ABCD3: variants seen among roughly 807,000 people sequenced by gnomAD.
The protein encoded by ABCD3 is ATP-binding cassette sub-family D member 3.
ABCD3 carries 41 observed loss-of-function variants against 105.5 expected under a neutral mutation model. The observed-to-expected ratio is 0.39, with a 90% confidence interval of 0.30 to 0.50. ABCD3 has a LOEUF of 0.50. Ranked by LOEUF, ABCD3 falls within the 20% of genes least tolerant of loss-of-function variation. ABCD3 has a pLI of 0.84. For missense variants in ABCD3, 622 were observed against 806.3 expected (o/e 0.77, Z 2.77); for synonymous variants, 258 against 269.0 (o/e 0.96, Z 0.40).
intron 2 of ABCD3, among the ~76,000 whole-genome samples, chr1:94,461,355 A>G (rs1225174180): frequency 6.6e-6 from 1 of 152,068 alleles, no homozygotes; most frequent in East Asian, 1.9e-4. Flanking sequence ...AAAGAATTTA[A>G]TTAGAAAGTT....
Position 94,517,219 on chromosome 1 carries a change from A to T in ABCD3, c.*90A>T. 2.0e-6 allele frequency: 2 copies of T among 993,848 alleles called. No homozygotes were observed. The highest frequency in any genetic ancestry group is 1.6e-6 in the Non-Finnish European group (1 of 637,814). The allele number at this position is 993,848 out of a possible 1,614,324, so 61.6% of individuals were successfully genotyped here. Reference sequence around the variant, plus strand: ...TACATTGTAAAATAAAGTTGAGCTTAGTTTTTTTTAAAAAAAAAAACAAAG... The same window carrying T: ...TACATTGTAAAATAAAGTTGAGCTTTGTTTTTTTTAAAAAAAAAAACAAAG... On this transcript the variant is annotated 3_prime_UTR_variant, in exon 23 of 23. Transcript: ENST00000370214.
intron 8 of ABCD3, 75 bp from the exon 9 acceptor site, chr1:94,480,389 G>A (rs1648976431): frequency 6.4e-7 from 1 of 1,566,122 alleles, no homozygotes; most frequent in Middle Eastern, 1.7e-4. Flanking sequence ...TATAAAAATT[G>A]TACATGTTTG....
At chr1:94,426,586 A>AG (rs747281501) in intron 1 of ABCD3, among the ~76,000 whole-genome samples, 3 of 149,966 alleles carry the variant, frequency 2.0e-5, no homozygotes, top group Non-Finnish European at 4.4e-5. Flanking sequence ...TCTGTCACCC[A>AG]GGCTGGAGTG....
chr1:94,480,354 A>G (rs1648975278), intron 8 of ABCD3, 110 bp from the exon 9 acceptor site: 36 of 1,412,872 alleles, frequency 2.5e-5, no homozygotes, highest in South Asian at 2.4e-4. Flanking sequence ...CAGTAGGGCA[A>G]TTTCTTTCAG....
At chr1:94,386,859 G>A in the ABCD3 span, among the ~76,000 whole-genome samples, 13,124 of 151,798 alleles carry the variant, frequency 0.086, 584 homozygotes, top group South Asian at 0.13. Flanking sequence ...CATCTCAAAA[G>A]AAAAAATAAT....
chr1:94,515,115 C>A, intron 21 of ABCD3, 31 bp from the exon 22 acceptor site: 1 of 1,558,358 alleles, frequency 6.4e-7, no homozygotes, highest in Middle Eastern at 1.7e-4. Context: ...CTCTGTTACT[C>A]ATTAAACCTA....
At chr1:94,460,676 G>A (rs144418463) in intron 2 of ABCD3, among the ~76,000 whole-genome samples, 4 of 152,236 alleles carry the variant, frequency 2.6e-5, no homozygotes, top group Non-Finnish European at 4.4e-5. Context: ...CTAGTGATTA[G>A]TGTCTCTCAA....
At position 94,480,620 on chromosome 1, in the gene ABCD3, C is replaced by G; in HGVS notation, c.827+14C>G. The G allele has an allele frequency of 6.2e-7, 1 of 1,613,136 alleles. No individual in the cohort carries two copies. Among genetic ancestry groups the G allele is most frequent in the Non-Finnish European group, 8.5e-7 (1 of 1,179,396 alleles). On this transcript the variant is annotated intron_variant, in intron 9 of 22. Coordinates refer to ENST00000370214, the MANE Select transcript of ABCD3 (RefSeq NM_002858.4). ...CATCACAAACAGGTAAAGACAAATG[C>G]ATTAAAGCCTTGCTAAAAATTAATT...
At chr1:94,484,401 TGA>T (rs1649179912) in intron 10 of ABCD3, among the ~76,000 whole-genome samples, 1 of 152,200 alleles carries the variant, frequency 6.6e-6, no homozygotes, top group South Asian at 2.1e-4. Flanking sequence ...TGTCCATCAG[TGA>T]TAGACTGGAC....
intron 16 of ABCD3, among the ~76,000 whole-genome samples, chr1:94,491,699 ACTC>A (rs1315728262): frequency 7.2e-5 from 11 of 152,064 alleles, no homozygotes; most frequent in Non-Finnish European, 7.4e-5. Context: ...ACAAATAGAC[ACTC>A]ACCTAAAACA....
At chr1:94,409,278 C>T in the ABCD3 span, among the ~76,000 whole-genome samples, 1 of 152,120 alleles carries the variant, frequency 6.6e-6, no homozygotes, top group South Asian at 2.1e-4. Context: ...ACCACATTTA[C>T]CCTGAAGTGA....
chr1:94,478,420 A>G, intron 8 of ABCD3, 105 bp downstream of exon 8: 1 of 1,156,822 alleles, frequency 8.6e-7, no homozygotes, highest in South Asian at 1.3e-5. Flanking sequence ...GATCTCAAAG[A>G]ATGTATTTTC....
chr1:94,395,059 A>C, the ABCD3 span, among the ~76,000 whole-genome samples: 14 of 152,144 alleles, frequency 9.2e-5, no homozygotes, highest in Non-Finnish European at 1.8e-4. Context: ...AGGCCATGCA[A>C]TCTTTGTGCT....
At chr1:94,451,482 T>C (rs1208218265) in intron 1 of ABCD3, among the ~76,000 whole-genome samples, 1 of 152,210 alleles carries the variant, frequency 6.6e-6, no homozygotes, top group East Asian at 1.9e-4. Context: ...ACATTCTAAA[T>C]TTTTTAGAAC....
At chr1:94,455,809 G>A (rs1310605628) in intron 1 of ABCD3, 2 of 1,279,538 alleles carry the variant, frequency 1.6e-6, no homozygotes, top group African/African-American at 1.5e-5. Context: ...TCATTGGTAG[G>A]TGTGTGTGTA....
chr1:94,499,667 G>T, intron 20 of ABCD3, 53 bp downstream of exon 20: 1 of 1,604,188 alleles, frequency 6.2e-7, no homozygotes, highest in Non-Finnish European at 8.5e-7. Context: ...CCAGCATTTT[G>T]ATTAATCAGG....
chr1:94,470,598 C>T (rs1320832926), intron 4 of ABCD3, among the ~76,000 whole-genome samples: 1 of 151,540 alleles, frequency 6.6e-6, no homozygotes, highest in Non-Finnish European at 1.5e-5. Context: ...TTGTGCTGGG[C>T]ACTAGGTGAA....
chr1:94,482,511 T>G (rs1649075423), intron 9 of ABCD3: 1 of 152,438 alleles, frequency 6.6e-6, no homozygotes, highest in Non-Finnish European at 1.5e-5. Context: ...CTCCCTGACC[T>G]GCTGGCTCTG....
the ABCD3 span, among the ~76,000 whole-genome samples, chr1:94,399,655 G>T: frequency 6.6e-6 from 1 of 152,172 alleles, no homozygotes; most frequent in Admixed American, 6.5e-5. Flanking sequence ...AAGAGCATGT[G>T]CTCAGATCAA....
Sources: gnomAD v4.1 joint callset for allele counts (sites outside exome capture counted in the v4.1 genomes callset) on GRCh38, gnomAD v4.1.1 for gene constraint, MANE v1.5 for transcripts, NCBI Gene and HGNC (gene_info 2026-07-23, HGNC 2026-07-21) for gene names.